The following OXR1 variants were observed in gnomAD, a reference collection of about 807,000 sequenced individuals.
OXR1 encodes the protein oxidation resistance 1, also known as oxidation resistance protein 1.
A neutral mutation model predicts 104.6 loss-of-function variants in OXR1; 41 were observed. That is an observed-to-expected ratio of 0.39 (90% CI 0.31 to 0.51). OXR1 has a LOEUF of 0.51. OXR1 is among the 20% of genes least tolerant of loss of function. OXR1 has a pLI of 0.77. For missense variants in OXR1, 955 were observed against 1,031.9 expected (o/e 0.93, Z 1.02); for synonymous variants, 348 against 348.4 (o/e 1.00, Z 0.01).
chr8:106,453,087 A>G (rs917462457), intron 2 of OXR1, among the ~76,000 whole-genome samples: 1 of 152,136 alleles, frequency 6.6e-6, no homozygotes. Context: ...AGAATGTACA[A>G]TGACTTCCTT....
intron 1 of OXR1, among the ~76,000 whole-genome samples, chr8:106,301,109 C>T (rs1813220092): frequency 6.6e-6 from 1 of 152,092 alleles, no homozygotes. Context: ...TTTTGACTTT[C>T]AATAGTGTTT....
intron 3 of OXR1, among the ~76,000 whole-genome samples, chr8:106,668,448 G>C (rs940730331): frequency 7.9e-5 from 12 of 152,164 alleles, no homozygotes; most frequent in African/African-American, 2.7e-4. Context: ...GTGCCCACAT[G>C]TGTCTATGTG....
intron 3 of OXR1, among the ~76,000 whole-genome samples, chr8:106,639,102 C>T (rs1423164713): frequency 6.6e-6 from 1 of 152,158 alleles, no homozygotes; most frequent in Non-Finnish European, 1.5e-5. Context: ...TTTGAAGTTA[C>T]TTTCCTTATA....
At chr8:106,384,194 C>T (rs1003477782) in intron 2 of OXR1, among the ~76,000 whole-genome samples, 3 of 152,182 alleles carry the variant, frequency 2.0e-5, no homozygotes, top group Non-Finnish European at 4.4e-5. Context: ...TGTTAGTTAA[C>T]TTTAAGACCA....
chr8:106,492,905 G>T (rs778534374), intron 2 of OXR1, among the ~76,000 whole-genome samples: 1 of 152,186 alleles, frequency 6.6e-6, no homozygotes, highest in Non-Finnish European at 1.5e-5. Context: ...CTGGGGGATA[G>T]ACAGGGACAC....
At chr8:106,652,370 G>A (rs1824658497) in intron 3 of OXR1, among the ~76,000 whole-genome samples, 1 of 151,908 alleles carries the variant, frequency 6.6e-6, no homozygotes, top group Admixed American at 6.6e-5. Flanking sequence ...CTATAAACTA[G>A]GCCATAAAAA....
chr8:106,469,172 G>T (rs998400889), intron 2 of OXR1, among the ~76,000 whole-genome samples: 1 of 151,438 alleles, frequency 6.6e-6, no homozygotes, highest in Non-Finnish European at 1.5e-5. Context: ...GGATTCATTC[G>T]TATTCATACT....
chr8:106,697,729 T>C, intron 7 of OXR1: 28 of 1,614,040 alleles, frequency 1.7e-5, no homozygotes, highest in Non-Finnish European at 2.3e-5. Flanking sequence ...TTGCAGGAAC[T>C]GAGAGATCTT....
intron 3 of OXR1, among the ~76,000 whole-genome samples, chr8:106,535,182 C>G (rs530766182): frequency 1.3e-5 from 2 of 152,128 alleles, no homozygotes; most frequent in African/African-American, 2.4e-5. Context: ...CCAGGATGGT[C>G]TCGATCTCCT....
rs562558847 is a variant in OXR1 at position 106,679,213 on chromosome 8, C to A, written c.224C>A (p.Thr75Asn). ...GAATTTTGCCTTTTTTTCCCAGACA[C>A]TGGCCAAAAGAAGACCCTAGACAAG... The part of the protein sequence containing the change: ...SELKRFYTID[T>N]GQKKTLDKKD... The change falls in exon 4 of 17, where the codon ACT becomes AAT. Residue 75 changes from threonine to asparagine, a missense_variant. Physicochemically the swap from Thr to Asn is moderately conservative, Grantham distance 65. This residue lies in a region of OXR1 where 849 missense variants were observed against 852.9 expected (regional missense o/e 1.00). Transcript: ENST00000517566. 2 of 1,603,956 alleles carry A rather than the reference C, an allele frequency of 1.2e-6. No homozygotes were observed. Among genetic ancestry groups the A allele is most frequent in the African/African-American group, 1.3e-5 (1 of 74,486 alleles).
intron 1 of OXR1, among the ~76,000 whole-genome samples, chr8:106,292,673 A>C (rs370371117): frequency 2.0e-5 from 3 of 152,184 alleles, no homozygotes; most frequent in Non-Finnish European, 2.9e-5. Context: ...CATGACAAGC[A>C]TGAGGGTTGG....
chr8:106,708,463 A>C (rs1000644208), intron 9 of OXR1, among the ~76,000 whole-genome samples: 1 of 152,140 alleles, frequency 6.6e-6, no homozygotes, highest in Admixed American at 6.6e-5. Context: ...GCTTTTGGCA[A>C]CCAACATTCT....
intron 3 of OXR1, among the ~76,000 whole-genome samples, chr8:106,578,813 T>C (rs558020798): frequency 2.6e-5 from 4 of 152,318 alleles, no homozygotes; most frequent in African/African-American, 9.6e-5. Flanking sequence ...CACCTGGTTA[T>C]ATATTCATCA....
rs1031142993 is a variant in OXR1, at chr8:106,706,572, C to T, written c.1051C>T (p.Leu351Phe). 11 of 1,611,814 alleles carry T rather than the reference C, an allele frequency of 6.8e-6. No individual in the cohort carries two copies. Among genetic ancestry groups the T allele is most frequent in the African/African-American group, 2.7e-5 (2 of 74,708 alleles). ...AGAACTTTCCCCTATACGAGAGGAG[C>T]TTGTATCTTCAGATGAACTGCGACA... ...ESELSPIREE[L>F]VSSDELRQDK... The change falls in exon 9 of 17, where the codon CTT (leucine) becomes TTT (phenylalanine). Residue 351 changes from leucine to phenylalanine, a missense_variant. Leu to Phe is a conservative substitution (Grantham distance 22). Coordinates refer to ENST00000517566, the MANE Select transcript of OXR1 (RefSeq NM_001198533.2).
chr8:106,707,422 T>C (rs1831251490), intron 9 of OXR1: 1 of 568,248 alleles, frequency 1.8e-6, no homozygotes, highest in Non-Finnish European at 3.1e-6. Flanking sequence ...ATTTATTTCT[T>C]GAGAAATTGC....
At chr8:106,705,784 A>G (rs1408012833) in intron 8 of OXR1, among the ~76,000 whole-genome samples, 1 of 152,132 alleles carries the variant, frequency 6.6e-6, no homozygotes, top group African/African-American at 2.4e-5. Flanking sequence ...TTTCACCTGA[A>G]CAAGTTCTCT....
intron 2 of OXR1, among the ~76,000 whole-genome samples, chr8:106,418,863 C>A (rs938628375): frequency 1.3e-5 from 2 of 152,120 alleles, no homozygotes; most frequent in Non-Finnish European, 2.9e-5. Context: ...GTGGTTATCT[C>A]TGAGTGATGA....
chr8:106,659,149 G>GGA (rs1825485225), intron 3 of OXR1, among the ~76,000 whole-genome samples: 2 of 152,120 alleles, frequency 1.3e-5, no homozygotes, highest in Admixed American at 1.3e-4. Flanking sequence ...TTGTAGAGAT[G>GGA]GAGTCTCGCT....
At chr8:106,392,607 T>A (rs979512252) in intron 2 of OXR1, among the ~76,000 whole-genome samples, 1 of 152,192 alleles carries the variant, frequency 6.6e-6, no homozygotes, top group Non-Finnish European at 1.5e-5. Flanking sequence ...TATGCAGTGA[T>A]GATATTATTG....
Sources: gnomAD v4.1 joint callset for allele counts (sites outside exome capture counted in the v4.1 genomes callset) on GRCh38, gnomAD v4.1.1 for gene constraint, gnomAD v4.1.1 regional missense constraint, MANE v1.5 for transcripts, NCBI Gene and HGNC (gene_info 2026-07-23, HGNC 2026-07-21) for gene names.